EML5: variants seen among roughly 807,000 people sequenced by gnomAD.
EML5 encodes the protein echinoderm microtubule-associated protein-like 5.
A neutral mutation model predicts 250.0 loss-of-function variants in EML5; 120 were observed. That is an observed-to-expected ratio of 0.48 (90% CI 0.41 to 0.56). The LOEUF (loss-of-function observed/expected upper bound fraction) is 0.56. Ranked by LOEUF, EML5 falls within the 20% of genes least tolerant of loss-of-function variation. The pLI is 0.00. For missense variants in EML5, 2,006 were observed against 2,437.6 expected (o/e 0.82, Z 3.73); for synonymous variants, 771 against 806.5 (o/e 0.96, Z 0.75).
intron 1 of EML5, among the ~76,000 whole-genome samples, chr14:88,760,540 A>C (rs1428093193): frequency 6.6e-6 from 1 of 152,170 alleles, no homozygotes; most frequent in Non-Finnish European, 1.5e-5. Context: ...TCCTTTCACC[A>C]ATACCACACT....
intron 1 of EML5, among the ~76,000 whole-genome samples, chr14:88,781,442 A>G (rs1443241153): frequency 2.0e-5 from 3 of 152,218 alleles, no homozygotes; most frequent in Admixed American, 6.5e-5. Context: ...TGCACACACC[A>G]CAGACTCAGA....
chr14:88,648,584 T>C (rs985150994), intron 28 of EML5, among the ~76,000 whole-genome samples: 4 of 152,114 alleles, frequency 2.6e-5, no homozygotes, highest in East Asian at 1.9e-4. Flanking sequence ...CTTTAACTCC[T>C]GGCCTCAACT....
At chr14:88,635,576 C>T (rs2090677253) in intron 32 of EML5, among the ~76,000 whole-genome samples, 2 of 152,194 alleles carry the variant, frequency 1.3e-5, no homozygotes, top group Admixed American at 1.3e-4. Context: ...AAAATATATT[C>T]TAGCCTCTTA....
At chr14:88,683,531 C>T (rs2092761359) in intron 20 of EML5, among the ~76,000 whole-genome samples, 2 of 152,146 alleles carry the variant, frequency 1.3e-5, no homozygotes. Flanking sequence ...AAAGATATCA[C>T]AAGAAAACTA....
At chr14:88,741,475 A>T in intron 4 of EML5, among the ~76,000 whole-genome samples, 1 of 152,198 alleles carries the variant, frequency 6.6e-6, no homozygotes, top group Non-Finnish European at 1.5e-5. Flanking sequence ...AATCTTCATT[A>T]CCAGGGCTTT....
In EML5 at chr14:88,661,744, A is replaced by C. The variant is rs964690753; in HGVS notation, c.3585T>G (p.Asp1195Glu). The change falls in exon 25 of 44, where the codon GAT becomes GAG. Residue 1195 changes from aspartate to glutamate, a missense_variant. Coordinates refer to ENST00000554922, the MANE Select transcript of EML5 (RefSeq NM_183387.3). Reference sequence around the variant, plus strand: ...CACTGGTGAGGCAAGAAGCAGTTACATCTGTAACTTCTCCAATTACTGGCC... The same window carrying C: ...CACTGGTGAGGCAAGAAGCAGTTACCTCTGTAACTTCTCCAATTACTGGCC... ...GIWPVIGEVT[D>E]VTASCLTSDK... 1 of 1,613,644 alleles carries C rather than the reference A, an allele frequency of 6.2e-7. No homozygotes were observed. Among genetic ancestry groups the C allele is most frequent in the Non-Finnish European group, 8.5e-7 (1 of 1,179,794 alleles).
At chr14:88,766,173 C>T (rs1056660135) in intron 1 of EML5, among the ~76,000 whole-genome samples, 4 of 152,132 alleles carry the variant, frequency 2.6e-5, no homozygotes, top group African/African-American at 9.6e-5. Flanking sequence ...GCGTTAACTG[C>T]ACAAATTGTT....
intron 28 of EML5, among the ~76,000 whole-genome samples, chr14:88,648,242 G>T (rs947147110): frequency 2.0e-5 from 3 of 152,006 alleles, no homozygotes; most frequent in African/African-American, 7.2e-5. Flanking sequence ...TCTAAACTCT[G>T]TATAAATACT....
chr14:88,748,249 G>T (rs1246178476), intron 2 of EML5, among the ~76,000 whole-genome samples: 1 of 152,144 alleles, frequency 6.6e-6, no homozygotes, highest in African/African-American at 2.4e-5. Flanking sequence ...GTCATGCAAA[G>T]AAGAAATTCT....
At chr14:88,782,796 T>A (rs1024912481) in intron 1 of EML5, among the ~76,000 whole-genome samples, 3 of 152,198 alleles carry the variant, frequency 2.0e-5, no homozygotes, top group African/African-American at 7.2e-5. Context: ...TGAAAATGCC[T>A]GGATCGGGCA....
intron 41 of EML5, chr14:88,617,150 C>CTT (rs1358683137): frequency 4.8e-4 from 89 of 184,886 alleles, no homozygotes; most frequent in Non-Finnish European, 6.2e-4. Flanking sequence ...ACTATTTTTT[C>CTT]TTTTTTTTTT....
At chr14:88,668,536 A>G (rs993458699) in intron 21 of EML5, among the ~76,000 whole-genome samples, 1 of 152,212 alleles carries the variant, frequency 6.6e-6, no homozygotes, top group Non-Finnish European at 1.5e-5. Flanking sequence ...TAAATGGACA[A>G]GTAGGGAAAA....
chr14:88,616,342 A>G, intron 42 of EML5, 100 bp from the exon 43 acceptor site: 1 of 1,187,466 alleles, frequency 8.4e-7, no homozygotes, highest in Non-Finnish European at 1.2e-6. Context: ...CTGTGGAGAG[A>G]GTAGGGAGTT....
rs558733768 is a variant in EML5, at chr14:88,792,536, C to A, written c.-33G>T. ...CGCCCACCCGCCGCTCCCGCTCGGG[C>A]CCGCGGCGGCGACGGGAGGCGGCGG... On this transcript the variant is annotated 5_prime_UTR_variant, in exon 1 of 44. Coordinates refer to ENST00000554922, the MANE Select transcript of EML5 (RefSeq NM_183387.3). This position sits in a 1 kb window ranked among gnomAD's most constrained non-coding sequence, Gnocchi z 6.9. 4 of 1,245,238 alleles carry A rather than the reference C, an allele frequency of 3.2e-6. No individual in the cohort carries two copies. Among genetic ancestry groups the A allele is most frequent in the African/African-American group, 3.1e-5 (2 of 63,562 alleles). The allele number at this position is 1,245,238 out of a possible 1,614,324, so 77.1% of individuals were successfully genotyped here.
intron 2 of EML5, among the ~76,000 whole-genome samples, chr14:88,748,453 A>G (rs1319969858): frequency 1.3e-5 from 2 of 152,314 alleles, no homozygotes; most frequent in African/African-American, 4.8e-5. Context: ...TTCTAGAGCA[A>G]AAGCTACTCT....
chr14:88,674,638 C>G (rs562144641), intron 21 of EML5, among the ~76,000 whole-genome samples: 1 of 152,260 alleles, frequency 6.6e-6, no homozygotes, highest in East Asian at 1.9e-4. Context: ...CCTGGCACTT[C>G]CCAAATTTCA....
Position 88,627,818 on chromosome 14 carries a change from A to C in EML5, c.4359T>G (p.Ala1453=). The change falls in exon 34 of 44, where the codon GCT becomes GCG. Residue 1453 remains alanine, a splice_region_variant and synonymous_variant. Coordinates refer to ENST00000554922, the MANE Select transcript of EML5 (RefSeq NM_183387.3). ...GQVGDSADMS[A]TAPSIHIWDA... Reference sequence around the variant, plus strand: ...CCCAGATGTGAATAGAAGGAGCTGTAGCTAAATAAAGATAGTATCAAAAAG... The same window carrying C: ...CCCAGATGTGAATAGAAGGAGCTGTCGCTAAATAAAGATAGTATCAAAAAG... 1.3e-6 allele frequency: 2 copies of C among 1,579,972 alleles called. No homozygotes were observed. The highest frequency in any genetic ancestry group is 1.7e-6 in the Non-Finnish European group (2 of 1,164,804).
At position 88,694,389 on chromosome 14, in the gene EML5, AATCTT is replaced by A; in HGVS notation, c.2452_2456del (p.Lys818PhefsTer11). On this transcript the variant is annotated frameshift_variant, in exon 17 of 44. Coordinates refer to ENST00000554922, the MANE Select transcript of EML5 (RefSeq NM_183387.3). LOFTEE classifies it high-confidence loss of function. ...CATAGGGGTTCATCTTTACAACAAA[AATCTT>A]ATCTTTACTTCCTCTGAAATAAACA... The A allele has an allele frequency of 6.3e-7, 1 of 1,582,056 alleles. No individual in the cohort carries two copies.
At chr14:88,757,799 TTTCC>T (rs1328649673) in intron 1 of EML5, among the ~76,000 whole-genome samples, 1 of 151,764 alleles carries the variant, frequency 6.6e-6, no homozygotes, top group Non-Finnish European at 1.5e-5. Context: ...TCTTTCCCTC[TTTCC>T]TTCCTTCCTT....
Sources: allele counts gnomAD v4.1 joint callset (sites outside exome capture counted in the v4.1 genomes callset), GRCh38; gene constraint gnomAD v4.1.1; non-coding constraint Gnocchi (gnomAD v3.1); transcripts MANE v1.5; gene names NCBI Gene and HGNC (gene_info 2026-07-23, HGNC 2026-07-21).